The following WDPCP variants were observed in gnomAD, a reference collection of about 807,000 sequenced individuals.
WDPCP encodes WD repeat containing planar cell polarity effector, also known as WD repeat-containing and planar cell polarity effector protein fritz homolog.
WDPCP carries 71 observed loss-of-function variants against 93.1 expected under a neutral mutation model. The observed-to-expected ratio is 0.76, with a 90% CI of 0.63 to 0.93. The LOEUF is 0.93. WDPCP is among the 40% of genes least tolerant of loss of function. The probability of loss-of-function intolerance (pLI) is 0.00; values close to 1 mark genes in which losing one functional copy is unlikely to be tolerated. For synonymous variants in WDPCP, 315 were observed against 315.0 expected (o/e 1.00, Z 0.00); for missense variants, 844 against 887.4 (o/e 0.95, Z 0.62).
chr2:63,514,558 C>T lies in WDPCP; in HGVS notation c.76-21618G>A, dbSNP rs998559203. On this transcript the variant is annotated intron_variant, in intron 1 of 17. Transcript: ENST00000272321. ...ATAATTCAGCACTTTGGCTTTGCAA[C>T]ATTCCATGATGTCACCTGGCACTTA... Among the ~76,000 whole-genome samples, 3 of 152,178 alleles carry T rather than the reference C, an allele frequency of 2.0e-5. No individual in the cohort carries two copies. The South Asian group carries it at 6.2e-4, about 32-fold the overall frequency.
intron 1 of WDPCP, among the ~76,000 whole-genome samples, chr2:63,567,024 T>C (rs1366273674): frequency 6.6e-6 from 1 of 151,986 alleles, no homozygotes; most frequent in African/African-American, 2.4e-5. Flanking sequence ...GGTGGTGTGG[T>C]TGTGGGGAGA....
At chr2:63,370,916 C>A (rs562267682) in intron 12 of WDPCP, among the ~76,000 whole-genome samples, 1 of 151,716 alleles carries the variant, frequency 6.6e-6, no homozygotes, top group East Asian at 1.9e-4. Flanking sequence ...AAACTTCCTT[C>A]CTTCTTTCTT....
chr2:63,146,346 C>CAT (rs1671498524), intron 17 of WDPCP, among the ~76,000 whole-genome samples: 1 of 150,696 alleles, frequency 6.6e-6, no homozygotes, highest in Admixed American at 6.6e-5. Context: ...ATGGGTTTGT[C>CAT]ATATATGGCT....
chr2:63,340,871 TTCC>T (rs1688787103), intron 12 of WDPCP, among the ~76,000 whole-genome samples: 1 of 152,102 alleles, frequency 6.6e-6, no homozygotes, highest in Non-Finnish European at 1.5e-5. Flanking sequence ...AATCCAGAAG[TTCC>T]TCCTTTTTAA....
At chr2:63,405,532 AGT>A (rs55807956) in intron 9 of WDPCP, among the ~76,000 whole-genome samples, 24,352 of 124,516 alleles carry the variant, frequency 0.2, 2,255 homozygotes, top group Non-Finnish European at 0.23. Context: ...ATTTTGGTAT[AGT>A]GTGTGTGTGT....
At chr2:63,624,703 A>C (rs1305274058) in intron 3 of WDPCP, among the ~76,000 whole-genome samples, 3 of 152,166 alleles carry the variant, frequency 2.0e-5, no homozygotes, top group Non-Finnish European at 2.9e-5. Flanking sequence ...TTACCAACCA[A>C]AAAAAGCCCA....
intron 2 of WDPCP, among the ~76,000 whole-genome samples, chr2:63,782,391 G>A (rs1460840933): frequency 6.6e-6 from 1 of 152,110 alleles, no homozygotes; most frequent in Non-Finnish European, 1.5e-5. Flanking sequence ...TACAGAATGG[G>A]AGAAAAGATT....
intron 12 of WDPCP, among the ~76,000 whole-genome samples, chr2:63,326,880 C>T (rs1406202530): frequency 6.6e-6 from 1 of 152,190 alleles, no homozygotes; most frequent in Non-Finnish European, 1.5e-5. Context: ...AAATTTAAAA[C>T]CTCTAATTGA....
chr2:63,770,475 A>C (rs1432129521), intron 2 of WDPCP, among the ~76,000 whole-genome samples: 2 of 152,038 alleles, frequency 1.3e-5, no homozygotes, highest in African/African-American at 4.8e-5. Flanking sequence ...CTACAAAAAC[A>C]GCAATTTCAT....
intron 6 of WDPCP, among the ~76,000 whole-genome samples, chr2:63,473,630 G>A (rs1699809554): frequency 6.6e-6 from 1 of 152,138 alleles, no homozygotes; most frequent in South Asian, 2.1e-4. Context: ...GTACCACATA[G>A]CCATCTGGTT....
rs754079771 is a variant in WDPCP at position 63,486,606 on chromosome 2, G to T, written c.209-20C>A. 6.4e-7 allele frequency: 1 copy of T among 1,560,756 alleles called. No individual in the cohort carries two copies. Among genetic ancestry groups the T allele is most frequent in the South Asian group, 1.2e-5 (1 of 84,896 alleles). ...CTGTCGCTGATATTGTGGCAGAAGG[G>T]ATAGAAAGAAAAAAACAAAAGTAGA... On this transcript the variant is annotated intron_variant, in intron 3 of 17. Coordinates refer to ENST00000272321, the MANE Select transcript of WDPCP (RefSeq NM_015910.7).
chr2:63,685,574 G>A (rs1417247926), intron 2 of WDPCP, among the ~76,000 whole-genome samples: 1 of 152,108 alleles, frequency 6.6e-6, no homozygotes. Context: ...ATAAAATATA[G>A]GTGAAGGGAA....
At chr2:63,808,318 TCTCCCCTCTCCCCTCTCCCCTCTCCCC>T (rs1670799549) in intron 2 of WDPCP, among the ~76,000 whole-genome samples, 1 of 93,414 alleles carries the variant, frequency 1.1e-5, no homozygotes, top group Admixed American at 1.0e-4. Flanking sequence ...CCCCTCTCCC[TCTCCCCTCTCCCCTCTCCCCTCTCCCC>T]ACGGTCTCCC....
chr2:63,407,749 G>T (rs756705100), intron 9 of WDPCP, among the ~76,000 whole-genome samples: 11 of 152,170 alleles, frequency 7.2e-5, no homozygotes, highest in Non-Finnish European at 1.5e-4. Flanking sequence ...GTAGCAGCTA[G>T]CCAAAAACTG....
chr2:63,600,926 C>T (rs1024820521), intron 3 of WDPCP, among the ~76,000 whole-genome samples: 3 of 152,190 alleles, frequency 2.0e-5, no homozygotes, highest in African/African-American at 7.2e-5. Context: ...ACAACAATGA[C>T]ACTAACAACC....
At chr2:63,194,818 A>G (rs969892791) in intron 14 of WDPCP, among the ~76,000 whole-genome samples, 3 of 152,198 alleles carry the variant, frequency 2.0e-5, no homozygotes, top group Non-Finnish European at 1.5e-5. Flanking sequence ...ATAACTTGAT[A>G]GGAAAAGAAA....
chr2:63,142,819 T>G (rs200100963), intron 17 of WDPCP, among the ~76,000 whole-genome samples: 3,164 of 29,184 alleles, frequency 0.11, 77 homozygotes, highest in African/African-American at 0.24. Flanking sequence ...GTGTTAGGGG[T>G]GTGTGTGTGT....
chr2:63,294,013 A>G (rs548491693), intron 13 of WDPCP, among the ~76,000 whole-genome samples: 2 of 152,370 alleles, frequency 1.3e-5, no homozygotes, highest in East Asian at 1.9e-4. Flanking sequence ...AAGAAGCTCA[A>G]TGAACTCCAA....
intron 13 of WDPCP, among the ~76,000 whole-genome samples, chr2:63,265,439 T>A (rs1260355724): frequency 6.6e-6 from 1 of 151,382 alleles, no homozygotes; most frequent in Non-Finnish European, 1.5e-5. Context: ...AAGAAATGAA[T>A]GAGCTCCAAG....
Sources: gnomAD v4.1 joint callset for allele counts (sites outside exome capture counted in the v4.1 genomes callset) on GRCh38, gnomAD v4.1.1 for gene constraint, MANE v1.5 for transcripts, NCBI Gene and HGNC (gene_info 2026-07-23, HGNC 2026-07-21) for gene names.